The following ADARB1 variants were observed in gnomAD, a reference collection of about 807,000 sequenced individuals.
ADARB1 encodes the protein adenosine deaminase RNA specific B1.
A neutral mutation model predicts 52.4 loss-of-function variants in ADARB1; 10 were observed. That is an observed-to-expected ratio of 0.19 (90% CI 0.12 to 0.32). The LOEUF is 0.32. Ranked by LOEUF, ADARB1 falls within the 10% of genes least tolerant of loss-of-function variation. The pLI is 1.00. For missense variants in ADARB1, 643 were observed against 922.3 expected, an observed-to-expected ratio of 0.70 and a Z score of 3.92; for synonymous variants, 349 against 371.1, an observed-to-expected ratio of 0.94 and a Z score of 0.68.
chr21:45,176,412 G>A lies in ADARB1; in HGVS notation c.711G>A (p.Val237=), dbSNP rs1297016581. ...CACCCCCGAGTGGGAAGAATCCCGT[G>A]ATGATCTTGAACGAACTGCGCCCAG... ...PFPPPSGKNP[V]MILNELRPGL... The change falls in exon 4 of 11, where the codon GTG becomes GTA. Residue 237 remains valine, a synonymous_variant. Coordinates refer to ENST00000348831, the MANE Select transcript of ADARB1 (RefSeq NM_001112.4). The surrounding 1 kb of genome is among the most constrained non-coding windows in gnomAD (Gnocchi z 5.8). The A allele has an allele frequency of 4.3e-6, 7 of 1,614,070 alleles. No homozygotes were observed. In the Admixed American group the frequency reaches 6.7e-5, roughly 15 times the overall value.
intron 2 of ADARB1, among the ~76,000 whole-genome samples, chr21:45,162,105 G>A (rs150476182): frequency 6.6e-6 from 1 of 152,302 alleles, no homozygotes; most frequent in East Asian, 1.9e-4. Context: ...CAGGCAATGA[G>A]GAGAGGAGGA....
intron 2 of ADARB1, chr21:45,133,683 G>A (rs571454146): frequency 2.2e-4 from 63 of 283,598 alleles, no homozygotes; most frequent in African/African-American, 1.3e-3. Context: ...CCTGAAAGAG[G>A]TGTGTGCCCG....
At chr21:45,105,597 C>A (rs2087213131) in intron 1 of ADARB1, among the ~76,000 whole-genome samples, 1 of 152,186 alleles carries the variant, frequency 6.6e-6, no homozygotes, top group African/African-American at 2.4e-5. Flanking sequence ...CTCGTAAGTG[C>A]CCTAAGGAAA....
chr21:45,079,198 C>T (rs758775858), intron 1 of ADARB1, among the ~76,000 whole-genome samples: 63 of 152,300 alleles, frequency 4.1e-4, no homozygotes, highest in Non-Finnish European at 6.8e-4. Context: ...TAAGTTGCAT[C>T]ATCATTTCTT....
intron 8 of ADARB1, among the ~76,000 whole-genome samples, chr21:45,196,039 A>G (rs931936930): frequency 2.0e-5 from 3 of 152,210 alleles, no homozygotes; most frequent in Admixed American, 6.5e-5. Context: ...TGGAATATCC[A>G]TTTATTTAGT....
chr21:45,204,110 C>CACTCCTCAGAACGGCAT lies in ADARB1; in HGVS notation c.1566-442_1566-426dup, dbSNP rs1214253880. Among the ~76,000 whole-genome samples the CACTCCTCAGAACGGCAT allele has an allele frequency of 1.3e-5, 2 of 152,214 alleles. No individual in the cohort carries two copies. Among genetic ancestry groups the CACTCCTCAGAACGGCAT allele is most frequent in the Non-Finnish European group, 2.9e-5 (2 of 68,038 alleles). On this transcript the variant is annotated intron_variant, in intron 8 of 10. Coordinates refer to ENST00000348831, the MANE Select transcript of ADARB1 (RefSeq NM_001112.4). This position sits in a 1 kb window ranked among gnomAD's most constrained non-coding sequence, Gnocchi z 4.4. ...GGCTGGACAGCACAAGATCGCACCACACTCCTCAGAACGGCATACAGTTGA... is the reference window on the plus strand; with the variant it reads ...GGCTGGACAGCACAAGATCGCACCACACTCCTCAGAACGGCATACTCCTCAGAACGGCATACAGTTGA...
intron 8 of ADARB1, among the ~76,000 whole-genome samples, chr21:45,195,987 A>C (rs77579575): frequency 0.015 from 2,238 of 152,348 alleles, 53 homozygotes; most frequent in African/African-American, 0.051. Flanking sequence ...TCTCTATGTC[A>C]AGTTGGACAG....
chr21:45,214,787 A>G (rs574743100), intron 9 of ADARB1, among the ~76,000 whole-genome samples: 9 of 152,314 alleles, frequency 5.9e-5, no homozygotes, highest in East Asian at 1.9e-4. Context: ...TAGTTTTATT[A>G]TAAGTTTTGA....
chr21:45,218,799 T>TGA (rs2092913264), intron 9 of ADARB1, among the ~76,000 whole-genome samples: 1 of 152,256 alleles, frequency 6.6e-6, no homozygotes, highest in Admixed American at 6.5e-5. Flanking sequence ...CTGAGTCATC[T>TGA]GAGAGTGCAG....
intron 1 of ADARB1, among the ~76,000 whole-genome samples, chr21:45,126,901 C>T (rs764149888): frequency 6.6e-6 from 1 of 152,212 alleles, no homozygotes; most frequent in Non-Finnish European, 1.5e-5. Context: ...ATTTCTTGGC[C>T]AGGCTTGCAG....
At position 45,184,891 on chromosome 21, in the gene ADARB1, C is replaced by T. The variant is rs140320345; in HGVS notation, c.1397-32C>T. ...AATAAATCAAATAGATGGTTTACTACCTGTGGGGTTTTAACTCTTTTTCTC... is the reference window on the plus strand; with the variant it reads ...AATAAATCAAATAGATGGTTTACTATCTGTGGGGTTTTAACTCTTTTTCTC... On this transcript the variant is annotated intron_variant, in intron 7 of 10. Coordinates refer to ENST00000348831, the MANE Select transcript of ADARB1 (RefSeq NM_001112.4). The T allele has an allele frequency of 1.8e-4, 278 of 1,577,140 alleles. 1 individual carries two copies. The African/African-American group carries it at 3.4e-3, about 19-fold the overall frequency.
At chr21:45,150,510 TAAATC>T (rs1238728003) in intron 2 of ADARB1, among the ~76,000 whole-genome samples, 9 of 152,228 alleles carry the variant, frequency 5.9e-5, no homozygotes, top group Non-Finnish European at 1.3e-4. Context: ...AAAATTTAGT[TAAATC>T]ATATTAATAA....
Position 45,146,138 on chromosome 21 carries a change from C to T in ADARB1, c.-48+17565C>T, listed in dbSNP as rs1047569574. ...GTTATGGTTTCGGACTTACCTGATC[C>T]GTTCTGCCGGGATTACCTACGGCCA... is the stretch of plus-strand genomic sequence containing the variant. On this transcript the variant is annotated intron_variant, in intron 2 of 10. Transcript: ENST00000348831. 7.3e-5 allele frequency: 10 copies of T among 136,810 alleles called. 2 individuals carry two copies. Among genetic ancestry groups the T allele is most frequent in the Admixed American group, 5.0e-4 (7 of 13,884 alleles). 8.5% of individuals were successfully genotyped at this position (136,810 alleles called of 1,614,324 possible).
chr21:45,126,684 C>T (rs1004726431), intron 1 of ADARB1, among the ~76,000 whole-genome samples: 1 of 152,192 alleles, frequency 6.6e-6, no homozygotes, highest in Non-Finnish European at 1.5e-5. Flanking sequence ...CCATGCTTTT[C>T]CTGAAACCCC....
intron 4 of ADARB1, among the ~76,000 whole-genome samples, chr21:45,179,477 A>C (rs1038211837): frequency 2.0e-5 from 3 of 152,228 alleles, no homozygotes; most frequent in Non-Finnish European, 4.4e-5. Context: ...ACCTCCCAGC[A>C]GACATCATTT....
In ADARB1 at chr21:45,200,827, C is replaced by T. The variant is rs1027478745; in HGVS notation, c.1566-3728C>T. On this transcript the variant is annotated intron_variant, in intron 8 of 10. Coordinates refer to ENST00000348831, the MANE Select transcript of ADARB1 (RefSeq NM_001112.4). This position sits in a 1 kb window ranked among gnomAD's most constrained non-coding sequence, Gnocchi z 5.0. ...TGTGGTTTGGGTCAGAGTAGTTCTC[C>T]TGCCCTGTGTGGTCTGGCCGACGTC... is the stretch of plus-strand genomic sequence containing the variant. Among the ~76,000 whole-genome samples, 5 of 152,222 alleles carry T rather than the reference C, an allele frequency of 3.3e-5. No individual in the cohort carries two copies. The highest frequency in any genetic ancestry group is 6.5e-5 in the Admixed American group (1 of 15,294).
rs182215860 is a variant in ADARB1 at position 45,197,762 on chromosome 21, A to G, written c.1566-6793A>G. ...GAAAAAAAGAACAGTGATACACACT[A>G]CAGCATAGAGAAATCTCAAAATAAT... On this transcript the variant is annotated intron_variant, in intron 8 of 10. Coordinates refer to ENST00000348831, the MANE Select transcript of ADARB1 (RefSeq NM_001112.4). Among the ~76,000 whole-genome samples the G allele has an allele frequency of 3.0e-3, 458 of 152,372 alleles. 1 individual carries two copies. The highest frequency in any genetic ancestry group is 4.5e-3 in the Non-Finnish European group (306 of 68,038).
chr21:45,183,801 T>G (rs2092007794), intron 7 of ADARB1, among the ~76,000 whole-genome samples: 1 of 152,240 alleles, frequency 6.6e-6, no homozygotes, highest in African/African-American at 2.4e-5. Flanking sequence ...TATCTCTAAA[T>G]CAGAGGTGTA....
chr21:45,210,844 A>C (rs1463333776), intron 9 of ADARB1, among the ~76,000 whole-genome samples: 1 of 152,218 alleles, frequency 6.6e-6, no homozygotes, highest in African/African-American at 2.4e-5. Context: ...TGGCAGGATC[A>C]CTGTGAGCCT....
Sources: allele counts gnomAD v4.1 joint callset (sites outside exome capture counted in the v4.1 genomes callset), GRCh38; gene constraint gnomAD v4.1.1; non-coding constraint Gnocchi (gnomAD v3.1); transcripts MANE v1.5; gene names NCBI Gene and HGNC (gene_info 2026-07-23, HGNC 2026-07-21).